Variants in C3orf70 observed in about 807,000 individuals in gnomAD.
C3orf70 encodes the protein UPF0524 protein C3orf70.
Under a neutral mutation model 20.7 loss-of-function variants are expected in C3orf70, and 15 were observed. The ratio of observed to expected loss-of-function variants is 0.72; its 90% confidence interval spans 0.48 to 1.11. The LOEUF (loss-of-function observed/expected upper bound fraction) is 1.11. Ranked by LOEUF, C3orf70 falls within the 50% of genes most tolerant of loss-of-function variation. C3orf70 has a pLI of 0.00. For missense variants in C3orf70, 332 were observed against 317.6 expected, an observed-to-expected ratio of 1.05 and a Z score of -0.34; for synonymous variants, 161 against 125.7, an observed-to-expected ratio of 1.28 and a Z score of -1.88.
intron 1 of C3orf70, among the ~76,000 whole-genome samples, chr3:185,109,516 C>T (rs546265108): frequency 5.0e-4 from 76 of 152,236 alleles, no homozygotes; most frequent in Non-Finnish European, 4.7e-4. Context: ...CAACACCCGT[C>T]GAACACAGCC....
chr3:185,112,046 T>C (rs1267097192), intron 1 of C3orf70, among the ~76,000 whole-genome samples: 1 of 152,030 alleles, frequency 6.6e-6, no homozygotes, highest in Non-Finnish European at 1.5e-5. Context: ...ATCCCAGCAC[T>C]TTGGGAGGCT....
chr3:185,135,044 T>G (rs1716595096), intron 1 of C3orf70, among the ~76,000 whole-genome samples: 1 of 152,178 alleles, frequency 6.6e-6, no homozygotes, highest in African/African-American at 2.4e-5. Context: ...CAGAAGGATC[T>G]TATTTAATTA....
intron 1 of C3orf70, among the ~76,000 whole-genome samples, chr3:185,127,071 T>C (rs182651772): frequency 3.1e-4 from 47 of 152,328 alleles, no homozygotes; most frequent in African/African-American, 1.1e-3. Flanking sequence ...TTATCTCATA[T>C]CCAGGAAAAT....
chr3:185,137,312 T>C (rs1228161469), intron 1 of C3orf70, among the ~76,000 whole-genome samples: 2 of 152,324 alleles, frequency 1.3e-5, no homozygotes, highest in East Asian at 1.9e-4. Flanking sequence ...CTTTTGTAAA[T>C]TGCCCAGTCT....
intron 1 of C3orf70, among the ~76,000 whole-genome samples, chr3:185,096,732 C>G (rs1230130550): frequency 6.6e-6 from 1 of 152,132 alleles, no homozygotes; most frequent in Non-Finnish European, 1.5e-5. Context: ...CTTGGCTTGG[C>G]CTAGTGATAA....
At chr3:185,094,527 G>C (rs1418315383) in intron 1 of C3orf70, among the ~76,000 whole-genome samples, 3 of 152,052 alleles carry the variant, frequency 2.0e-5, no homozygotes, top group African/African-American at 7.2e-5. Context: ...CTTGCCAAGG[G>C]AGACGGGATA....
chr3:185,100,650 C>T (rs527949295), intron 1 of C3orf70, among the ~76,000 whole-genome samples: 1 of 151,884 alleles, frequency 6.6e-6, no homozygotes, highest in East Asian at 1.9e-4. Flanking sequence ...CAAGAGCAAG[C>T]CAATCCCAAA....
At chr3:185,104,906 G>A (rs11927830) in intron 1 of C3orf70, among the ~76,000 whole-genome samples, 7,914 of 152,106 alleles carry the variant, frequency 0.052, 667 homozygotes, top group African/African-American at 0.18. Flanking sequence ...TTGGTACAAC[G>A]AACTCCTATG....
At chr3:185,089,013 A>G (rs929922375) in intron 1 of C3orf70, among the ~76,000 whole-genome samples, 6 of 152,338 alleles carry the variant, frequency 3.9e-5, no homozygotes, top group Middle Eastern at 6.8e-3. Context: ...TGTCTGAGAT[A>G]AAGACTTGTC....
intron 1 of C3orf70, among the ~76,000 whole-genome samples, chr3:185,130,569 T>C (rs1716505151): frequency 6.6e-6 from 1 of 152,228 alleles, no homozygotes; most frequent in South Asian, 2.1e-4. Context: ...TTCATAACTT[T>C]ATCACTGCCC....
At chr3:185,100,962 A>T (rs973418920) in intron 1 of C3orf70, among the ~76,000 whole-genome samples, 12 of 152,162 alleles carry the variant, frequency 7.9e-5, no homozygotes, top group African/African-American at 2.9e-4. Flanking sequence ...TCCTGGACAC[A>T]TCCTCCCGAG....
chr3:185,147,351 C>T (rs896611527), intron 1 of C3orf70, among the ~76,000 whole-genome samples: 4 of 152,238 alleles, frequency 2.6e-5, no homozygotes, highest in African/African-American at 9.6e-5. Flanking sequence ...TAACCCTTAA[C>T]TTGAATGTCA....
At chr3:185,133,817 G>A (rs1326064720) in intron 1 of C3orf70, among the ~76,000 whole-genome samples, 9 of 152,098 alleles carry the variant, frequency 5.9e-5, no homozygotes. Context: ...GAAGAAATGA[G>A]AAAGAAGCCA....
chr3:185,095,052 G>A (rs1715673789), intron 1 of C3orf70, among the ~76,000 whole-genome samples: 1 of 152,190 alleles, frequency 6.6e-6, no homozygotes, highest in African/African-American at 2.4e-5. Flanking sequence ...TTGTTACAAG[G>A]AGAGAAAAAC....
Position 185,076,981 on chromosome 3 carries a change from C to T in C3orf70, c.*6026G>A, listed in dbSNP as rs16859571. ...GTAGAGTGCACACGCAGATGAGATGCGCTGTCTGCAGGAATCACTTTAAAA... is the reference window on the plus strand; with the variant it reads ...GTAGAGTGCACACGCAGATGAGATGTGCTGTCTGCAGGAATCACTTTAAAA... On this transcript the variant is annotated 3_prime_UTR_variant, in exon 2 of 2. Transcript: ENST00000335012. Among the ~76,000 whole-genome samples the T allele has an allele frequency of 0.017, 2,656 of 152,282 alleles. 80 individuals are homozygous for T. Among genetic ancestry groups the T allele is most frequent in the African/African-American group, 0.061 (2,536 of 41,546 alleles).
chr3:185,094,375 C>A (rs34822524), intron 1 of C3orf70, among the ~76,000 whole-genome samples: 10,421 of 152,114 alleles, frequency 0.069, 495 homozygotes, highest in South Asian at 0.13. Flanking sequence ...CTGCGCCCGG[C>A]CTATTTGTAT....
intron 1 of C3orf70, among the ~76,000 whole-genome samples, chr3:185,143,145 C>A (rs537356302): frequency 6.6e-5 from 10 of 152,184 alleles, no homozygotes; most frequent in South Asian, 6.2e-4. Flanking sequence ...TGTCCTCATT[C>A]TTGAGACAGG....
intron 1 of C3orf70, among the ~76,000 whole-genome samples, chr3:185,118,455 C>A (rs1325062711): frequency 1.3e-5 from 2 of 152,160 alleles, no homozygotes; most frequent in African/African-American, 2.4e-5. Flanking sequence ...ATGACAAGGG[C>A]TGTGTCTTTC....
Position 185,083,283 on chromosome 3 carries a change from A to G in C3orf70, c.477T>C (p.Pro159=), listed in dbSNP as rs766151643. The G allele has an allele frequency of 6.8e-6, 11 of 1,614,096 alleles. No homozygotes were observed. Among genetic ancestry groups the G allele is most frequent in the Middle Eastern group, 1.6e-4 (1 of 6,084 alleles). The part of the protein sequence containing the change: ...QPAPHSHRMS[P]EEVSAHDALI... Reference sequence around the variant, plus strand: ...AGGCATCGTGTGCAGAGACCTCCTCAGGGCTCATTCTGTGGGAATGTGGTG... The same window carrying G: ...AGGCATCGTGTGCAGAGACCTCCTCGGGGCTCATTCTGTGGGAATGTGGTG... The change falls in exon 2 of 2, where the codon CCT becomes CCC. Residue 159 remains proline (P), a synonymous_variant. Coordinates refer to ENST00000335012, the MANE Select transcript of C3orf70 (RefSeq NM_001025266.3).
Sources: gnomAD v4.1 joint callset for allele counts (sites outside exome capture counted in the v4.1 genomes callset) on GRCh38, gnomAD v4.1.1 for gene constraint, MANE v1.5 for transcripts, NCBI Gene and HGNC (gene_info 2026-07-23, HGNC 2026-07-21) for gene names.